Variants in TNS1 observed in about 807,000 individuals in gnomAD.
The protein encoded by TNS1 is tensin 1.
Under a neutral mutation model 168.6 loss-of-function variants are expected in TNS1, and 62 were observed. The observed-to-expected ratio is 0.37, with a 90% CI of 0.30 to 0.45. The LOEUF (loss-of-function observed/expected upper bound fraction) is 0.45. Among genes scored for constraint, TNS1 ranks in the 20% least tolerant of loss-of-function variants. TNS1 has a pLI of 1.00. For missense variants in TNS1, 2,240 were observed against 2,339.4 expected, an observed-to-expected ratio of 0.96 and a Z score of 0.88; for synonymous variants, 934 against 933.2, an observed-to-expected ratio of 1.00 and a Z score of -0.02.
At chr2:217,891,341 C>T (rs1422108646) in intron 11 of TNS1, among the ~76,000 whole-genome samples, 1 of 152,208 alleles carries the variant, frequency 6.6e-6, no homozygotes, top group Non-Finnish European at 1.5e-5. Context: ...GTACAAGTTC[C>T]TGAATCTCTC....
chr2:217,808,512 C>A, intron 31 of TNS1, 91 bp downstream of exon 31: 1 of 1,214,660 alleles, frequency 8.2e-7, no homozygotes, highest in Non-Finnish European at 1.2e-6. Context: ...CACATGCACA[C>A]ACACACACAC....
At chr2:217,930,770 G>A (rs541714358) in intron 3 of TNS1, among the ~76,000 whole-genome samples, 1 of 152,350 alleles carries the variant, frequency 6.6e-6, no homozygotes, top group Admixed American at 6.5e-5. Context: ...TGCTAGAAGA[G>A]GAGGTGTGAA....
intron 3 of TNS1, among the ~76,000 whole-genome samples, chr2:217,949,437 A>G (rs1046859457): frequency 2.0e-5 from 3 of 152,214 alleles, no homozygotes; most frequent in Non-Finnish European, 2.9e-5. Context: ...TTCCCATAGC[A>G]TCACACCTAC....
Position 218,023,527 on chromosome 2 carries a change from G to A in TNS1, c.156+10293C>T, listed in dbSNP as rs1480770135. ...CCCGGCCCACCTGTCTCCTGGCCAAGTCAGCAAGTGAAGAGGTCAACTAGA... is the reference window on the plus strand; with the variant it reads ...CCCGGCCCACCTGTCTCCTGGCCAAATCAGCAAGTGAAGAGGTCAACTAGA... On this transcript the variant is annotated intron_variant, in intron 1 of 1. Coordinates refer to the TNS1 transcript ENST00000649572. 2.6e-5 allele frequency among the ~76,000 whole-genome samples: 4 copies of A among 152,162 alleles called. No homozygotes were observed. In the East Asian group the frequency reaches 7.7e-4, roughly 29 times the overall value.
At chr2:217,830,324 G>A (rs764448406) in intron 22 of TNS1, 1 of 1,613,248 alleles carries the variant, frequency 6.2e-7, no homozygotes, top group Non-Finnish European at 8.5e-7. Context: ...ATGCCCAGCT[G>A]CGTGGCTTCA....
intron 12 of TNS1, 117 bp downstream of exon 12, chr2:217,890,845 G>T (rs956400162): frequency 7.1e-6 from 8 of 1,125,174 alleles, no homozygotes; most frequent in African/African-American, 3.1e-5. Context: ...GAAAACTTGC[G>T]CCTGGTACAC....
At chr2:217,936,373 G>A (rs1425473266) in intron 3 of TNS1, among the ~76,000 whole-genome samples, 1 of 152,148 alleles carries the variant, frequency 6.6e-6, no homozygotes, top group African/African-American at 2.4e-5. Context: ...ACTTGCCAAG[G>A]ATGGCTCTCT....
chr2:217,903,581 A>G (rs1953280683), intron 6 of TNS1: 1 of 1,534,968 alleles, frequency 6.5e-7, no homozygotes, highest in African/African-American at 1.4e-5. Flanking sequence ...TAAACACCAA[A>G]CAGAACTCTC....
In TNS1 at chr2:217,804,264, C is replaced by CTG; in HGVS notation, c.*194_*195insCA. The CTG allele has an allele frequency of 1.7e-6, 1 of 590,018 alleles. No homozygotes were observed. Among genetic ancestry groups the CTG allele is most frequent in the Non-Finnish European group, 2.9e-6 (1 of 347,902 alleles). The allele number at this position is 590,018 out of a possible 1,614,324, so 36.5% of individuals were successfully genotyped here. ...GTTCTTCTCCTCCATCTTTCTCTCT[C>CTG]TCTCTCTCTCTCTCTCTCTCTCTCT... is the stretch of plus-strand genomic sequence containing the variant. On this transcript the variant is annotated 3_prime_UTR_variant, in exon 33 of 33. Transcript: ENST00000682258.
intron 3 of TNS1, among the ~76,000 whole-genome samples, chr2:217,969,940 T>A (rs1194302223): frequency 6.6e-6 from 1 of 152,132 alleles, no homozygotes; most frequent in African/African-American, 2.4e-5. Flanking sequence ...GTTACAGATG[T>A]AATCAAGCTC....
At chr2:217,842,052 C>G in intron 19 of TNS1, 1 of 702,918 alleles carries the variant, frequency 1.4e-6, no homozygotes, top group Non-Finnish European at 2.6e-6. Flanking sequence ...GCTATGTTAC[C>G]TTTCCTCTCC....
intron 4 of TNS1, among the ~76,000 whole-genome samples, chr2:217,917,474 C>T (rs1251252228): frequency 1.3e-5 from 2 of 151,962 alleles, no homozygotes; most frequent in Non-Finnish European, 2.9e-5. Flanking sequence ...TGCTGAGGGG[C>T]AGTGGAAGCA....
intron 1 of TNS1, among the ~76,000 whole-genome samples, chr2:218,031,524 TGA>T (rs1355750973): frequency 7.4e-6 from 1 of 135,114 alleles, no homozygotes; most frequent in African/African-American, 2.6e-5. Context: ...GTGTCTTGTG[TGA>T]GTGTGTGTGT....
intron 12 of TNS1, among the ~76,000 whole-genome samples, chr2:217,888,495 G>A (rs1296481051): frequency 1.3e-5 from 2 of 152,208 alleles, no homozygotes; most frequent in South Asian, 4.1e-4. Context: ...TGTTGAACAC[G>A]AGATGATATG....
intron 1 of TNS1, among the ~76,000 whole-genome samples, chr2:217,996,768 A>T (rs922518114): frequency 6.6e-6 from 1 of 151,348 alleles, no homozygotes; most frequent in Non-Finnish European, 1.5e-5. Context: ...GCTCCCACCC[A>T]TCGCCCCTAC....
At chr2:217,885,195 G>A (rs1488011823) in intron 15 of TNS1, 31 bp from the exon 16 acceptor site, 3 of 1,613,806 alleles carry the variant, frequency 1.9e-6, no homozygotes, top group Non-Finnish European at 2.5e-6. Flanking sequence ...AACCAGTCAG[G>A]GGCCTGAGGC....
At position 217,990,224 on chromosome 2, in the gene TNS1, C is replaced by T. The variant is rs116775949; in HGVS notation, c.148+718G>A. 2.4e-3 allele frequency among the ~76,000 whole-genome samples: 349 copies of T among 147,478 alleles called. 1 individual carries two copies. The highest frequency in any genetic ancestry group is 7.8e-3 in the African/African-American group (310 of 39,776). On this transcript the variant is annotated intron_variant, in intron 2 of 32. Coordinates refer to ENST00000682258, the MANE Select transcript of TNS1 (RefSeq NM_001387777.1). ...CCATCCACACACCCTCAGCACGCAT[C>T]ATCCACACACCATCTATACACCAGC... is the stretch of plus-strand genomic sequence containing the variant.
intron 3 of TNS1, among the ~76,000 whole-genome samples, chr2:217,963,889 C>CAAAAAAAAAAA (rs58953604): frequency 1.6e-5 from 2 of 126,402 alleles, no homozygotes; most frequent in African/African-American, 6.0e-5. Context: ...ACTAAAAATA[C>CAAAAAAAAAAA]AAAAAAAAAA....
chr2:218,025,889 C>A (rs1958846468), intron 1 of TNS1, among the ~76,000 whole-genome samples: 1 of 152,168 alleles, frequency 6.6e-6, no homozygotes, highest in Non-Finnish European at 1.5e-5. Context: ...TCCCTGTTGG[C>A]TTTGCCGAAC....
Sources: gnomAD v4.1 joint callset for allele counts (sites outside exome capture counted in the v4.1 genomes callset) on GRCh38, gnomAD v4.1.1 for gene constraint, MANE v1.5 for transcripts, NCBI Gene and HGNC (gene_info 2026-07-23, HGNC 2026-07-21) for gene names.